Variants in SAYSD1 observed in about 807,000 individuals in gnomAD.
The protein encoded by SAYSD1 is SAYSvFN domain-containing protein 1.
SAYSD1 carries 15 observed loss-of-function variants against 14.5 expected under a neutral mutation model. That is an observed-to-expected ratio of 1.03 (90% CI 0.69 to 1.59). SAYSD1 has a LOEUF of 1.59. Among genes scored for constraint, SAYSD1 ranks in the 40% most tolerant of loss-of-function variants. The pLI is 0.00. For missense variants in SAYSD1, 247 were observed against 227.3 expected, an observed-to-expected ratio of 1.09 and a Z score of -0.56; for synonymous variants, 105 against 102.6, an observed-to-expected ratio of 1.02 and a Z score of -0.14.
Position 39,105,438 on chromosome 6 carries a change from C to T in SAYSD1, c.546G>A (p.Gly182=), listed in dbSNP as rs1461690857. 6.2e-7 allele frequency: 1 copy of T among 1,613,912 alleles called. No homozygotes were observed. Among genetic ancestry groups the T allele is most frequent in the South Asian group, 1.1e-5 (1 of 91,068 alleles). The change falls in exon 2 of 2, where the codon GGG becomes GGA. Residue 182 remains glycine, a synonymous_variant. Coordinates refer to ENST00000229903, the MANE Select transcript of SAYSD1 (RefSeq NM_018322.3). Reference sequence around the variant, plus strand: ...ATGACAGCACAGCTGGGTCCTATCTCCCTGCCAGGGGTCTCAACTGTAACT... The same window carrying T: ...ATGACAGCACAGCTGGGTCCTATCTTCCTGCCAGGGGTCTCAACTGTAACT... The part of the protein sequence containing the change: ...ERELQLRPLA[G]R
chr6:39,111,585 T>C (rs980720660), intron 1 of SAYSD1: 2 of 152,178 alleles, frequency 1.3e-5, no homozygotes, highest in Admixed American at 6.5e-5. Context: ...CATTTAGAGA[T>C]GAACCTGATG....
chr6:39,108,658 TGA>T (rs1769550313), intron 1 of SAYSD1, among the ~76,000 whole-genome samples: 1 of 152,164 alleles, frequency 6.6e-6, no homozygotes, highest in Non-Finnish European at 1.5e-5. Context: ...TGGTTCCCTC[TGA>T]GAGGAATGCT....
chr6:39,105,636 A>T lies in SAYSD1; in HGVS notation c.348T>A (p.Phe116Leu). ...ATGCCAGGCCAAATTCCAGTTCCAC[A>T]AACAGTCCCAGCAGGACCAACCAGA... ...VLLWLVLLGL[F>L]VELEFGLAYF... The change falls in exon 2 of 2, where the codon TTT (phenylalanine) becomes TTA (leucine). Residue 116 changes from phenylalanine (F) to leucine (L), a missense_variant. By Grantham distance (22) the Phe-to-Leu change is conservative. Transcript: ENST00000229903. The T allele has an allele frequency of 6.2e-7, 1 of 1,614,198 alleles. No homozygotes were observed. Among genetic ancestry groups the T allele is most frequent in the Non-Finnish European group, 8.5e-7 (1 of 1,180,028 alleles).
intron 1 of SAYSD1, among the ~76,000 whole-genome samples, chr6:39,107,975 G>A (rs2113736692): frequency 6.6e-6 from 1 of 152,302 alleles, no homozygotes; most frequent in East Asian, 1.9e-4. Context: ...CTAACCAAAA[G>A]CATGAAATCC....
At chr6:39,107,697 G>A (rs549021432) in intron 1 of SAYSD1, among the ~76,000 whole-genome samples, 1 of 152,254 alleles carries the variant, frequency 6.6e-6, no homozygotes, top group African/African-American at 2.4e-5. Flanking sequence ...AGTCTGATTG[G>A]AGAGGCCCTT....
intron 1 of SAYSD1, chr6:39,109,449 G>C: frequency 6.5e-7 from 1 of 1,541,476 alleles, no homozygotes; most frequent in African/African-American, 1.4e-5. Context: ...AGATGCAGCG[G>C]CATTGTCAGT....
At chr6:39,105,832 C>A in intron 1 of SAYSD1, 56 bp from the exon 2 acceptor site, 1 of 1,502,754 alleles carries the variant, frequency 6.7e-7, no homozygotes, top group South Asian at 1.3e-5. Context: ...CTGAGATGAT[C>A]AAAACTAATC....
rs770746608 is a variant in SAYSD1, at chr6:39,115,009, G to A, written c.81C>T (p.Gly27=). The stretch of plus-strand genomic sequence containing the variant: ...CCGCCTTCTCTCCTGGGGTTTGTGC[G>A]CCCTGACTGGCAGCAGGGGGTTGGG... ...LAAQPPAASQ[G]AQTPGEKAEA... Residue 27 remains glycine (G), a synonymous_variant, in exon 1 of 2, where the codon GGC becomes GGT. Coordinates refer to ENST00000229903, the MANE Select transcript of SAYSD1 (RefSeq NM_018322.3). 25 of 1,613,478 alleles carry A rather than the reference G, an allele frequency of 1.5e-5. No individual in the cohort carries two copies. Among genetic ancestry groups the A allele is most frequent in the South Asian group, 4.4e-5 (4 of 91,092 alleles).
intron 1 of SAYSD1, among the ~76,000 whole-genome samples, chr6:39,107,853 A>G (rs1186560492): frequency 6.6e-6 from 1 of 152,148 alleles, no homozygotes; most frequent in Non-Finnish European, 1.5e-5. Flanking sequence ...GTAGCATGAG[A>G]TGACGGGGCT....
At chr6:39,114,747 G>A (rs1190845818) in intron 1 of SAYSD1, 136 bp downstream of exon 1, 3 of 799,494 alleles carry the variant, frequency 3.8e-6, no homozygotes, top group East Asian at 2.5e-5. Context: ...GGAGATGAGC[G>A]GTCCGGCCCT....
intron 1 of SAYSD1, among the ~76,000 whole-genome samples, chr6:39,106,856 C>A (rs1420959730): frequency 6.6e-6 from 1 of 152,202 alleles, no homozygotes; most frequent in African/African-American, 2.4e-5. Flanking sequence ...GTGCCAGATG[C>A]TAATGGCAGA....
intron 1 of SAYSD1, among the ~76,000 whole-genome samples, chr6:39,108,825 A>T (rs1289992093): frequency 6.6e-6 from 1 of 152,152 alleles, no homozygotes; most frequent in Non-Finnish European, 1.5e-5. Flanking sequence ...GCTGATTTAA[A>T]ATAGTACTCT....
Position 39,115,123 on chromosome 6 carries a change from AGC to A in SAYSD1, c.-36_-35del. 1 of 1,581,566 alleles carries A rather than the reference AGC, an allele frequency of 6.3e-7. No homozygotes were observed. The highest frequency in any genetic ancestry group is 2.3e-5 in the East Asian group (1 of 44,220). On this transcript the variant is annotated 5_prime_UTR_variant, in exon 1 of 2. Transcript: ENST00000229903. ...CCTCGCGTCCGTTGGCCGATAAGGG[AGC>A]GCGCGCCCGCAGGCCGCACAGCAGT...
intron 1 of SAYSD1, among the ~76,000 whole-genome samples, chr6:39,106,805 C>G (rs1769513389): frequency 6.6e-6 from 1 of 152,224 alleles, no homozygotes; most frequent in African/African-American, 2.4e-5. Context: ...CCAAGACCCT[C>G]AATTTGTTCA....
At position 39,115,042 on chromosome 6, in the gene SAYSD1, A is replaced by G; in HGVS notation, c.48T>C (p.Gly16=). The G allele has an allele frequency of 6.2e-7, 1 of 1,611,714 alleles. No homozygotes were observed. The highest frequency in any genetic ancestry group is 8.5e-7 in the Non-Finnish European group (1 of 1,179,832). ...TGGCAGCAGGGGGTTGGGCCGCCAG[A>G]CCCGCCCGTTTCCGCGCCGCCCGAA... is the stretch of plus-strand genomic sequence containing the variant. ...AEFRAARKRA[G]LAAQPPAASQ... is the part of the protein sequence containing the mutation. The change falls in exon 1 of 2, where the codon GGT becomes GGC. Residue 16 remains glycine (G), a synonymous_variant. Coordinates refer to ENST00000229903, the MANE Select transcript of SAYSD1 (RefSeq NM_018322.3).
intron 1 of SAYSD1, chr6:39,109,286 G>T: frequency 6.5e-7 from 1 of 1,544,664 alleles, no homozygotes; most frequent in Non-Finnish European, 8.8e-7. Flanking sequence ...GGAAGCAGGA[G>T]GTTTCTGTAG....
At position 39,105,217 on chromosome 6, in the gene SAYSD1, G is replaced by A. The variant is rs1769471726; in HGVS notation, c.*215C>T. 2 of 541,534 alleles carry A rather than the reference G, an allele frequency of 3.7e-6. No individual in the cohort carries two copies. The highest frequency in any genetic ancestry group is 3.3e-6 in the Non-Finnish European group (1 of 304,752). The allele number at this position is 541,534 out of a possible 1,614,324, so 33.5% of individuals were successfully genotyped here. A position where few individuals can be genotyped will look rare whatever the true frequency, so the allele number is the denominator to read the frequency against. On this transcript the variant is annotated 3_prime_UTR_variant, in exon 2 of 2. Transcript: ENST00000229903. ...CTTGAGTACATAATTTTTATAAATT[G>A]CGTCGGACCCACAGTGAATGTATTT...
rs144061936 is a variant in SAYSD1 at position 39,108,009 on chromosome 6, G to A, written c.208-2233C>T. 2.0e-5 allele frequency among the ~76,000 whole-genome samples: 3 copies of A among 152,302 alleles called. No homozygotes were observed. In the East Asian group the frequency reaches 5.8e-4, roughly 29 times the overall value. ...CCCTGGTGCTAAAAAGGTTGGGGAGGAGGCCTAGCAAGAGAGAGCCAGACA... is the reference window on the plus strand; with the variant it reads ...CCCTGGTGCTAAAAAGGTTGGGGAGAAGGCCTAGCAAGAGAGAGCCAGACA... On this transcript the variant is annotated intron_variant, in intron 1 of 1. Coordinates refer to ENST00000229903, the MANE Select transcript of SAYSD1 (RefSeq NM_018322.3).
At chr6:39,113,777 A>C (rs529359828) in intron 1 of SAYSD1, 48 of 152,368 alleles carry the variant, frequency 3.2e-4, no homozygotes, top group African/African-American at 1.1e-3. Flanking sequence ...CAAGTGTTGT[A>C]CTTAGAAAGT....
Sources: gnomAD v4.1 joint callset for allele counts (sites outside exome capture counted in the v4.1 genomes callset) on GRCh38, gnomAD v4.1.1 for gene constraint, MANE v1.5 for transcripts, NCBI Gene and HGNC (gene_info 2026-07-23, HGNC 2026-07-21) for gene names.